Variants in CCDC88A observed in about 807,000 individuals in gnomAD.
The protein encoded by CCDC88A is girdin.
A neutral mutation model predicts 234.3 loss-of-function variants in CCDC88A; 54 were observed. The observed-to-expected ratio is 0.23, with a 90% confidence interval of 0.19 to 0.29. CCDC88A has a LOEUF of 0.29. CCDC88A is among the 10% of genes least tolerant of loss of function. The probability of loss-of-function intolerance (pLI) is 1.00; values close to 1 mark genes in which losing one functional copy is unlikely to be tolerated. For missense variants in CCDC88A, 1,832 were observed against 2,123.4 expected (o/e 0.86, Z 2.70); for synonymous variants, 753 against 737.8 (o/e 1.02, Z -0.33).
chr2:55,300,113 AG>A (rs1680701077), intron 28 of CCDC88A, 194 bp from the exon 29 acceptor site: 6 of 528,498 alleles, frequency 1.1e-5, no homozygotes, highest in African/African-American at 1.9e-5. Context: ...CTGAAACAAT[AG>A]TTGAGATTCA....
rs1384222586 is a variant in CCDC88A, at chr2:55,318,989, C to G, written c.3178G>C (p.Ala1060Pro). The G allele has an allele frequency of 6.2e-7, 1 of 1,612,656 alleles. No homozygotes were observed. The highest frequency in any genetic ancestry group is 1.7e-5 in the Admixed American group (1 of 59,956). The change falls in exon 19 of 33, where the codon GCA becomes CCA. Residue 1060 changes from alanine (A) to proline (P), a missense_variant. This residue lies in a region of CCDC88A where 1,282 missense variants were observed against 1,543.6 expected (regional missense o/e 0.83). Transcript: ENST00000436346. ...EVERNNATLQ[A>P]EKQALKTQLK... ...TGAGTTTTCAACGCTTGCTTCTCTGCTTGCAGTGTAGCATTCTTGAAAAAC... is the reference window on the plus strand; with the variant it reads ...TGAGTTTTCAACGCTTGCTTCTCTGGTTGCAGTGTAGCATTCTTGAAAAAC...
intron 8 of CCDC88A, 136 bp from the exon 9 acceptor site, chr2:55,349,735 A>T (rs76235821): frequency 1.2e-5 from 5 of 411,054 alleles, no homozygotes; most frequent in African/African-American, 2.1e-5. Flanking sequence ...TCTAGAAGAT[A>T]AAAAAAAAAA....
Position 55,309,300 on chromosome 2 carries a change from C to T in CCDC88A, c.4080-46G>A. 1 of 860,610 alleles carries T rather than the reference C, an allele frequency of 1.2e-6. No individual in the cohort carries two copies. The highest frequency in any genetic ancestry group is 1.9e-6 in the Non-Finnish European group (1 of 525,612). 53.3% of individuals were successfully genotyped at this position (860,610 alleles called of 1,614,324 possible). A position where few individuals can be genotyped will look rare whatever the true frequency, so the allele number is the denominator to read the frequency against. ...TTTAGGACAGGCATCATATTTTGTACAGCTATGAATATTAAATTATTTGGT... is the reference window on the plus strand; with the variant it reads ...TTTAGGACAGGCATCATATTTTGTATAGCTATGAATATTAAATTATTTGGT... On this transcript the variant is annotated intron_variant, in intron 23 of 32. Transcript: ENST00000436346. This position sits in a 1 kb window ranked among gnomAD's most constrained non-coding sequence, Gnocchi z 5.1.
chr2:55,381,442 A>G (rs1457623737), intron 3 of CCDC88A, among the ~76,000 whole-genome samples: 1 of 151,410 alleles, frequency 6.6e-6, no homozygotes, highest in Non-Finnish European at 1.5e-5. Flanking sequence ...ATTCCCAGCT[A>G]CTAGGGAGGC....
At chr2:55,312,793 C>T in intron 22 of CCDC88A, 1 of 361,794 alleles carries the variant, frequency 2.8e-6, no homozygotes, top group Admixed American at 4.5e-5. Flanking sequence ...TCTTAATTTT[C>T]ACAAACACTG....
In CCDC88A at chr2:55,419,198, C is replaced by T. The variant is rs1207375330; in HGVS notation, c.-119G>A. 4.4e-6 allele frequency: 3 copies of T among 675,596 alleles called. No homozygotes were observed. Among genetic ancestry groups the T allele is most frequent in the African/African-American group, 3.6e-5 (2 of 55,178 alleles). 41.9% of individuals were successfully genotyped at this position (675,596 alleles called of 1,614,324 possible). A position where few individuals can be genotyped will look rare whatever the true frequency, so the allele number is the denominator to read the frequency against. Reference sequence around the variant, plus strand: ...GTCCATTTCGGCAAGGGAGAAAAATCCCATCGTGGAGGAGGGGGGCACTCT... The same window carrying T: ...GTCCATTTCGGCAAGGGAGAAAAATTCCATCGTGGAGGAGGGGGGCACTCT... On this transcript the variant is annotated 5_prime_UTR_variant, in exon 1 of 33. Transcript: ENST00000436346.
At chr2:55,354,019 A>G (rs542094106) in intron 8 of CCDC88A, among the ~76,000 whole-genome samples, 65 of 152,232 alleles carry the variant, frequency 4.3e-4, no homozygotes, top group Non-Finnish European at 7.8e-4. Flanking sequence ...AAACTTATAC[A>G]GCATGTGACA....
At chr2:55,312,696 A>T (rs999636525) in intron 22 of CCDC88A, 117 bp from the exon 23 acceptor site, 4 of 716,474 alleles carry the variant, frequency 5.6e-6, no homozygotes, top group Non-Finnish European at 9.1e-6. Flanking sequence ...CAATTAGATG[A>T]TTGTACTTTT....
At chr2:55,371,994 A>G (rs1420193156) in intron 5 of CCDC88A, among the ~76,000 whole-genome samples, 1 of 152,194 alleles carries the variant, frequency 6.6e-6, no homozygotes, top group East Asian at 1.9e-4. Flanking sequence ...ATAATAATAA[A>G]CAAGATTCCT....
chr2:55,295,681 C>T lies in CCDC88A; in HGVS notation c.5467G>A (p.Asp1823Asn), dbSNP rs746247489. The change falls in exon 31 of 33, where the codon GAT becomes AAT. Residue 1823 changes from aspartate (D) to asparagine (N), a missense_variant. Around this residue, in one of 6 missense-constraint regions of CCDC88A, gnomAD observed 422 missense variants for 416.5 expected, o/e 1.01. Coordinates refer to ENST00000436346, the MANE Select transcript of CCDC88A (RefSeq NM_001365480.1). Reference protein sequence around the residue: ...EGTTRRTSIHDFLTKDSRLPI... With the variant: ...EGTTRRTSIHNFLTKDSRLPI... ...AGTCTACTGTCCTTGGTCAAAAAATCATGGATGCTTGTCCTTCGTGTAGTT... is the reference window on the plus strand; with the variant it reads ...AGTCTACTGTCCTTGGTCAAAAAATTATGGATGCTTGTCCTTCGTGTAGTT... 2 of 1,614,100 alleles carry T rather than the reference C, an allele frequency of 1.2e-6. No individual in the cohort carries two copies. The highest frequency in any genetic ancestry group is 2.2e-5 in the East Asian group (1 of 44,906).
At chr2:55,345,152 AAC>A (rs1668940369) in intron 10 of CCDC88A, among the ~76,000 whole-genome samples, 1 of 152,204 alleles carries the variant, frequency 6.6e-6, no homozygotes, top group African/African-American at 2.4e-5. Flanking sequence ...AGAATCCCTT[AAC>A]AGTGTCATGC....
chr2:55,347,164 T>C (rs1669245512), intron 9 of CCDC88A, among the ~76,000 whole-genome samples: 1 of 152,220 alleles, frequency 6.6e-6, no homozygotes. Flanking sequence ...GACATTTTTT[T>C]AATGCTTCCA....
chr2:55,318,907 T>C lies in CCDC88A; in HGVS notation c.3260A>G (p.Gln1087Arg). The change falls in exon 19 of 33, where the codon CAG (glutamine) becomes CGG (arginine). Residue 1087 changes from glutamine (Q) to arginine (R), a missense_variant. By Grantham distance (43) the Gln-to-Arg change is conservative. Transcript: ENST00000436346. ...TTCTTGTAATGACACTGTCTGCCTC[T>C]GAAGTGCAAGAATCTGAGCCTGCAA... ...NNLQAQILAL[Q>R]RQTVSLQEQN... The C allele has an allele frequency of 1.2e-6, 2 of 1,613,270 alleles. No individual in the cohort carries two copies. Among genetic ancestry groups the C allele is most frequent in the Non-Finnish European group, 1.7e-6 (2 of 1,179,434 alleles).
chr2:55,413,269 A>T (rs1258201457), intron 2 of CCDC88A, among the ~76,000 whole-genome samples: 2 of 152,196 alleles, frequency 1.3e-5, no homozygotes, highest in Non-Finnish European at 1.5e-5. Context: ...TTGAGGAGCC[A>T]TAAGTAGGTA....
chr2:55,341,294 G>A (rs954099710), intron 12 of CCDC88A, among the ~76,000 whole-genome samples: 3 of 151,232 alleles, frequency 2.0e-5, no homozygotes, highest in Admixed American at 6.6e-5. Flanking sequence ...ACAGGCGCGC[G>A]CCACCACGCT....
chr2:55,401,434 C>CAAAAAAAAAAAAA (rs1174693653), intron 2 of CCDC88A, among the ~76,000 whole-genome samples: 10 of 45,806 alleles, frequency 2.2e-4, no homozygotes, highest in South Asian at 7.5e-4. Flanking sequence ...ACTCTGTCTC[C>CAAAAAAAAAAAAA]AAAAAAAAAA....
Position 55,301,940 on chromosome 2 carries a change from G to A in CCDC88A, c.4604C>T (p.Thr1535Ile). ...KELGAMAFST[T>I]AINFSTVNSS... ...GTTGACAGTTGAAAAGTTGATGGCT[G>A]TAGTAGAGAAGGCCATAGCTCCCAA... Residue 1535 changes from threonine (T) to isoleucine (I), a missense_variant, in exon 27 of 33, where the codon ACA (threonine) becomes ATA (isoleucine). Physicochemically the swap from Thr to Ile is moderately conservative, Grantham distance 89 (BLOSUM62 -1). Around this residue, in one of 6 missense-constraint regions of CCDC88A, gnomAD observed 422 missense variants for 416.5 expected, o/e 1.01. Coordinates refer to ENST00000436346, the MANE Select transcript of CCDC88A (RefSeq NM_001365480.1). 6.2e-7 allele frequency: 1 copy of A among 1,614,156 alleles called. No homozygotes were observed. The highest frequency in any genetic ancestry group is 8.5e-7 in the Non-Finnish European group (1 of 1,179,992).
chr2:55,416,443 A>AATATATATATATATATAT (rs60840841), intron 2 of CCDC88A, among the ~76,000 whole-genome samples: 1 of 15,810 alleles, frequency 6.3e-5, no homozygotes, highest in Non-Finnish European at 1.4e-4. Context: ...TAAATAAATA[A>AATATATATATATATATAT]ATATATATAT....
chr2:55,308,305 A>T (rs1311593145), intron 25 of CCDC88A: 1 of 153,098 alleles, frequency 6.5e-6, no homozygotes, highest in Non-Finnish European at 1.5e-5. Flanking sequence ...TAATTTCTAA[A>T]TCATTGAATA....
Sources: allele counts gnomAD v4.1 joint callset (sites outside exome capture counted in the v4.1 genomes callset), GRCh38; gene constraint gnomAD v4.1.1; regional missense constraint gnomAD v4.1.1; non-coding constraint Gnocchi (gnomAD v3.1); transcripts MANE v1.5; gene names NCBI Gene and HGNC (gene_info 2026-07-23, HGNC 2026-07-21).